The following WDR70 variants were observed in gnomAD, a reference collection of about 807,000 sequenced individuals.
WDR70 encodes WD repeat domain 70.
A neutral mutation model predicts 88.6 loss-of-function variants in WDR70; 53 were observed. The observed-to-expected ratio is 0.60, with a 90% CI of 0.48 to 0.75. WDR70 has a LOEUF of 0.75. Among genes scored for constraint, WDR70 ranks in the 30% least tolerant of loss-of-function variants. The pLI is 0.00. For synonymous variants in WDR70, 280 were observed against 270.0 expected, an observed-to-expected ratio of 1.04 and a Z score of -0.36; for missense variants, 610 against 823.2, an observed-to-expected ratio of 0.74 and a Z score of 3.17.
At chr5:37,564,747 A>G (rs563641036) in intron 9 of WDR70, among the ~76,000 whole-genome samples, 1 of 152,334 alleles carries the variant, frequency 6.6e-6, no homozygotes, top group African/African-American at 2.4e-5. Flanking sequence ...TGGTATGACA[A>G]TTATATAGGA....
chr5:37,733,110 A>C (rs1748198618), intron 17 of WDR70, among the ~76,000 whole-genome samples: 1 of 152,144 alleles, frequency 6.6e-6, no homozygotes, highest in Non-Finnish European at 1.5e-5. Flanking sequence ...TGTTGGCAGG[A>C]TTGTACTTTC....
chr5:37,391,205 T>C (rs1439170500), intron 3 of WDR70, among the ~76,000 whole-genome samples: 1 of 152,194 alleles, frequency 6.6e-6, no homozygotes, highest in East Asian at 1.9e-4. Context: ...TATATTGCTA[T>C]GCAGTAATTT....
rs377385929 is a variant in WDR70, at chr5:37,471,365, A to G, written c.687-8469A>G. On this transcript the variant is annotated intron_variant, in intron 7 of 17. Transcript: ENST00000265107. Reference sequence around the variant, plus strand: ...GCTTTATTTTGAATTTTTGTGATGCATGATGAGATTAGACAACTTCTCATA... The same window carrying G: ...GCTTTATTTTGAATTTTTGTGATGCGTGATGAGATTAGACAACTTCTCATA... Among the ~76,000 whole-genome samples the G allele has an allele frequency of 2.7e-4, 41 of 151,964 alleles. No homozygotes were observed. In the East Asian group the frequency reaches 7.7e-3, roughly 29 times the overall value.
At chr5:37,687,992 C>T (rs6451337) in intron 10 of WDR70, 191,071 of 677,440 alleles carry the variant, frequency 0.28, 28,629 homozygotes, top group Admixed American at 0.44. Flanking sequence ...ATCCACTGGA[C>T]TCTATAACTT....
At chr5:37,691,182 A>G (rs889000562) in intron 10 of WDR70, among the ~76,000 whole-genome samples, 5 of 152,260 alleles carry the variant, frequency 3.3e-5, no homozygotes, top group African/African-American at 1.2e-4. Context: ...CCTAAATTAT[A>G]TGCACCCAAT....
chr5:37,691,827 C>G (rs1447934814), intron 10 of WDR70, among the ~76,000 whole-genome samples: 2 of 152,042 alleles, frequency 1.3e-5, no homozygotes, highest in African/African-American at 4.8e-5. Context: ...TTTTCAAAAG[C>G]TAGCAGAAGG....
At chr5:37,730,884 A>G (rs1748125154) in intron 17 of WDR70, among the ~76,000 whole-genome samples, 1 of 152,174 alleles carries the variant, frequency 6.6e-6, no homozygotes, top group African/African-American at 2.4e-5. Flanking sequence ...ATAAAAACAC[A>G]TCATCTTAGC....
At chr5:37,534,809 G>T (rs1741613913) in intron 9 of WDR70, among the ~76,000 whole-genome samples, 1 of 152,104 alleles carries the variant, frequency 6.6e-6, no homozygotes, top group Admixed American at 6.5e-5. Flanking sequence ...CCATAGTTCT[G>T]TGTGAGGATC....
intron 17 of WDR70, among the ~76,000 whole-genome samples, chr5:37,740,709 A>G (rs190444342): frequency 1.3e-5 from 2 of 152,114 alleles, no homozygotes; most frequent in East Asian, 1.9e-4. Flanking sequence ...TCTTTCACCC[A>G]CTCTTCAGTA....
At chr5:37,525,939 T>C (rs1169673585) in intron 9 of WDR70, among the ~76,000 whole-genome samples, 2 of 152,190 alleles carry the variant, frequency 1.3e-5, no homozygotes, top group Non-Finnish European at 2.9e-5. Context: ...CCAGGAAGAA[T>C]TTGAATCCAC....
At chr5:37,531,437 T>TTA (rs1488625343) in intron 9 of WDR70, among the ~76,000 whole-genome samples, 1 of 152,124 alleles carries the variant, frequency 6.6e-6, no homozygotes, top group Non-Finnish European at 1.5e-5. Context: ...TAGAATTGTT[T>TTA]TATAAATTCG....
In WDR70 at chr5:37,575,421, G is replaced by A. The variant is rs73061776; in HGVS notation, c.918-29643G>A. Among the ~76,000 whole-genome samples the A allele has an allele frequency of 7.4e-3, 1,124 of 152,210 alleles. 17 individuals are homozygous for A. Among genetic ancestry groups the A allele is most frequent in the African/African-American group, 0.025 (1,057 of 41,518 alleles). ...GACTTCTGGATGGCTTCAACATGGG[G>A]CTGGTCACCAGAAAAACCAAGCCAT... On this transcript the variant is annotated intron_variant, in intron 9 of 17. Coordinates refer to ENST00000265107, the MANE Select transcript of WDR70 (RefSeq NM_018034.4).
chr5:37,512,571 A>C (rs901507741), intron 8 of WDR70, among the ~76,000 whole-genome samples: 8 of 149,284 alleles, frequency 5.4e-5, no homozygotes, highest in Non-Finnish European at 7.4e-5. Flanking sequence ...CCTGCACAGA[A>C]TTGCATCTAG....
chr5:37,518,170 C>T lies in WDR70; in HGVS notation c.917+1580C>T, dbSNP rs529994055. On this transcript the variant is annotated intron_variant, in intron 9 of 17. Transcript: ENST00000265107. ...ACTCAGGTGATCCACCCACTTTGGCCTCCCAAAGTGCTGGGATTATAGACA... is the reference window on the plus strand; with the variant it reads ...ACTCAGGTGATCCACCCACTTTGGCTTCCCAAAGTGCTGGGATTATAGACA... Among the ~76,000 whole-genome samples the T allele has an allele frequency of 3.3e-5, 5 of 152,156 alleles. No individual in the cohort carries two copies. The South Asian group carries it at 1.0e-3, about 32-fold the overall frequency.
intron 13 of WDR70, among the ~76,000 whole-genome samples, chr5:37,703,890 A>G (rs1390239163): frequency 4.6e-5 from 7 of 152,208 alleles, no homozygotes; most frequent in South Asian, 2.1e-4. Flanking sequence ...GTAATATCCT[A>G]TATCTTAAAC....
At chr5:37,391,934 A>G in intron 3 of WDR70, 66 bp from the exon 4 acceptor site, 1 of 1,529,270 alleles carries the variant, frequency 6.5e-7, no homozygotes, top group Non-Finnish European at 8.8e-7. Flanking sequence ...TAGCCTTTCT[A>G]ATACTAACAT....
At chr5:37,568,777 G>T (rs596491) in intron 9 of WDR70, among the ~76,000 whole-genome samples, 1 of 152,220 alleles carries the variant, frequency 6.6e-6, no homozygotes, top group Non-Finnish European at 1.5e-5. Flanking sequence ...TCCTGTATCT[G>T]TGCCCCTTGC....
intron 17 of WDR70, among the ~76,000 whole-genome samples, chr5:37,739,465 T>G (rs1748402595): frequency 6.6e-6 from 1 of 152,212 alleles, no homozygotes; most frequent in African/African-American, 2.4e-5. Context: ...TATAAAATTC[T>G]GAAAGAATTG....
intron 5 of WDR70, among the ~76,000 whole-genome samples, chr5:37,409,112 T>C (rs965619975): frequency 2.6e-5 from 4 of 152,060 alleles, no homozygotes; most frequent in Non-Finnish European, 4.4e-5. Context: ...CTAATTTTTG[T>C]ATTTTTAGTA....
Sources: allele counts gnomAD v4.1 joint callset (sites outside exome capture counted in the v4.1 genomes callset), GRCh38; gene constraint gnomAD v4.1.1; transcripts MANE v1.5; gene names NCBI Gene and HGNC (gene_info 2026-07-23, HGNC 2026-07-21).